LIPC: variants seen among roughly 807,000 people sequenced by gnomAD.
The protein encoded by LIPC is lipase C, hepatic type, also known as hepatic triacylglycerol lipase.
In LIPC, 44 loss-of-function variants were observed where a neutral mutation model predicts 50.7. The observed-to-expected ratio is 0.87, with a 90% CI of 0.68 to 1.11. LIPC has a LOEUF of 1.11. Among genes scored for constraint, LIPC ranks in the 50% most tolerant of loss-of-function variants. The pLI is 0.00. For missense variants in LIPC, 697 were observed against 648.2 expected, an observed-to-expected ratio of 1.08 and a Z score of -0.82; for synonymous variants, 271 against 256.4, an observed-to-expected ratio of 1.06 and a Z score of -0.54.
chr15:58,555,355 G>T (rs1893902335), intron 6 of LIPC, among the ~76,000 whole-genome samples: 2 of 152,232 alleles, frequency 1.3e-5, no homozygotes, highest in Non-Finnish European at 2.9e-5. Flanking sequence ...CAAGGGGTCA[G>T]AGCTGGCAGG....
chr15:58,524,882 G>T (rs1433963040), intron 1 of LIPC, among the ~76,000 whole-genome samples: 1 of 151,962 alleles, frequency 6.6e-6, no homozygotes, highest in Admixed American at 6.6e-5. Flanking sequence ...TCTGCTTATG[G>T]TCTTTTTTTA....
chr15:58,546,033 A>G, intron 5 of LIPC, 58 bp downstream of exon 5: 1 of 1,374,730 alleles, frequency 7.3e-7, no homozygotes, highest in Non-Finnish European at 1.0e-6. Context: ...GGCCTCTGGA[A>G]TTCAGCGGAA....
intron 1 of LIPC, among the ~76,000 whole-genome samples, chr15:58,461,908 C>T (rs193024262): frequency 1.3e-5 from 2 of 152,136 alleles, no homozygotes; most frequent in East Asian, 3.9e-4. Flanking sequence ...CCCTCCACAC[C>T]TGCCTCGTGC....
chr15:58,525,032 T>C (rs1311276212), intron 1 of LIPC, among the ~76,000 whole-genome samples: 2 of 152,112 alleles, frequency 1.3e-5, no homozygotes, highest in Admixed American at 1.3e-4. Context: ...ATTTTTTTTC[T>C]GGTCATTTTA....
intron 1 of LIPC, among the ~76,000 whole-genome samples, chr15:58,496,653 G>A (rs184336209): frequency 6.7e-4 from 101 of 149,658 alleles, no homozygotes; most frequent in African/African-American, 2.3e-3. Flanking sequence ...GACTAACTCC[G>A]AATACCTTAA....
chr15:58,478,716 C>T (rs1414720365), intron 1 of LIPC, among the ~76,000 whole-genome samples: 2 of 152,194 alleles, frequency 1.3e-5, no homozygotes, highest in African/African-American at 4.8e-5. Flanking sequence ...CCCAAGAGCA[C>T]CTTGAGCTAC....
intron 1 of LIPC, among the ~76,000 whole-genome samples, chr15:58,506,747 C>T (rs1400072164): frequency 1.3e-5 from 2 of 152,188 alleles, no homozygotes; most frequent in African/African-American, 4.8e-5. Flanking sequence ...CCCTCTGCCC[C>T]CCACCCTGAC....
intron 1 of LIPC, among the ~76,000 whole-genome samples, chr15:58,465,798 G>C (rs965515120): frequency 6.6e-6 from 1 of 152,164 alleles, no homozygotes; most frequent in Non-Finnish European, 1.5e-5. Context: ...AAGCATCAAA[G>C]CTCTCTAATC....
chr15:58,507,661 C>A (rs1892196590), intron 1 of LIPC, among the ~76,000 whole-genome samples: 1 of 152,168 alleles, frequency 6.6e-6, no homozygotes, highest in South Asian at 2.1e-4. Context: ...GGCTAGCGAC[C>A]TTTTTCCATA....
intron 1 of LIPC, among the ~76,000 whole-genome samples, chr15:58,532,019 G>A (rs1020332480): frequency 6.6e-6 from 1 of 152,154 alleles, no homozygotes. Flanking sequence ...TGATGCTAGG[G>A]TGTCACAAGA....
At chr15:58,535,760 TCCTCCTAACAA>T (rs1243558175) in intron 1 of LIPC, among the ~76,000 whole-genome samples, 1 of 152,242 alleles carries the variant, frequency 6.6e-6, no homozygotes, top group African/African-American at 2.4e-5. Flanking sequence ...TCTTATTTAA[TCCTCCTAACAA>T]CCTCATAAGA....
At chr15:58,526,701 G>A (rs991502331) in intron 1 of LIPC, among the ~76,000 whole-genome samples, 3 of 152,212 alleles carry the variant, frequency 2.0e-5, no homozygotes, top group Non-Finnish European at 4.4e-5. Context: ...TATCTGGAAG[G>A]AACTATGTTG....
chr15:58,465,750 A>G (rs888349907), intron 1 of LIPC, among the ~76,000 whole-genome samples: 2 of 152,194 alleles, frequency 1.3e-5, no homozygotes, highest in Non-Finnish European at 2.9e-5. Context: ...CTGGGAAGAT[A>G]GAGTCCAAGA....
chr15:58,558,360 G>A (rs998276394), intron 6 of LIPC, among the ~76,000 whole-genome samples: 5 of 152,238 alleles, frequency 3.3e-5, no homozygotes, highest in East Asian at 3.9e-4. Flanking sequence ...GCAAGCCACC[G>A]TGCCCAGCCA....
At chr15:58,549,134 T>A (rs1220089933) in intron 6 of LIPC, among the ~76,000 whole-genome samples, 1 of 152,144 alleles carries the variant, frequency 6.6e-6, no homozygotes, top group Non-Finnish European at 1.5e-5. Context: ...GCCCAGCAGC[T>A]CTCTGGATTG....
chr15:58,466,512 T>C (rs1894570137), intron 1 of LIPC, among the ~76,000 whole-genome samples: 1 of 152,262 alleles, frequency 6.6e-6, no homozygotes, highest in South Asian at 2.1e-4. Flanking sequence ...TATGGCTTCT[T>C]TATTCTAAGG....
intron 1 of LIPC, among the ~76,000 whole-genome samples, chr15:58,518,891 A>G (rs1370802642): frequency 6.6e-6 from 1 of 152,070 alleles, no homozygotes; most frequent in African/African-American, 2.4e-5. Flanking sequence ...TTGTAAACAT[A>G]ATAGACACTC....
chr15:58,549,850 G>A (rs747596966), intron 6 of LIPC, among the ~76,000 whole-genome samples: 5 of 152,222 alleles, frequency 3.3e-5, no homozygotes, highest in Non-Finnish European at 5.9e-5. Flanking sequence ...GCAGCACGCA[G>A]GTGAGGGAAT....
At chr15:58,487,953 C>G (rs1455703983) in intron 1 of LIPC, among the ~76,000 whole-genome samples, 1 of 152,158 alleles carries the variant, frequency 6.6e-6, no homozygotes, top group African/African-American at 2.4e-5. Flanking sequence ...AGCCACTACT[C>G]AACTCTGAGC....
Sources: gnomAD v4.1 joint callset for allele counts (sites outside exome capture counted in the v4.1 genomes callset) on GRCh38, gnomAD v4.1.1 for gene constraint, MANE v1.5 for transcripts, NCBI Gene and HGNC (gene_info 2026-07-23, HGNC 2026-07-21) for gene names.